Variants in ARHGAP6 observed in about 807,000 individuals in gnomAD.
The protein encoded by ARHGAP6 is Rho GTPase activating protein 6, also known as rho GTPase-activating protein 6.
In ARHGAP6, 16 loss-of-function variants were observed where a neutral mutation model predicts 55.7. The observed-to-expected ratio is 0.29, with a 90% CI of 0.19 to 0.44. ARHGAP6 has a LOEUF of 0.44. Among genes scored for constraint, ARHGAP6 ranks in the 20% least tolerant of loss-of-function variants. ARHGAP6 has a pLI of 1.00. For synonymous variants in ARHGAP6, 382 were observed against 360.9 expected, an observed-to-expected ratio of 1.06 and a Z score of -0.66; for missense variants, 698 against 808.9, an observed-to-expected ratio of 0.86 and a Z score of 1.66.
chrX:11,554,172 T>G (rs780457018), intron 1 of ARHGAP6, among the ~76,000 whole-genome samples: 28 of 111,835 alleles, frequency 2.5e-4, no homozygotes, highest in African/African-American at 7.5e-4. Context: ...GGTCATAGTG[T>G]TAAGTGAAAT....
Position 11,383,733 on chromosome X carries a change from C to T in ARHGAP6, c.589-129026G>A, listed in dbSNP as rs193277325. On this transcript the variant is annotated intron_variant, in intron 1 of 12. Coordinates refer to ENST00000337414, the MANE Select transcript of ARHGAP6 (RefSeq NM_013427.3). ...CTCATTTCAGAGGAAAATCCACTTT[C>T]CACTTCATGTATAAAACTCAGTTGG... 3.8e-3 allele frequency among the ~76,000 whole-genome samples: 420 copies of T among 111,699 alleles called. 1 individual carries two copies. The highest frequency in any genetic ancestry group is 0.014 in the Middle Eastern group (3 of 217).
intron 1 of ARHGAP6, among the ~76,000 whole-genome samples, chrX:11,342,393 T>G (rs904466911): frequency 8.9e-6 from 1 of 112,152 alleles, no homozygotes; most frequent in African/African-American, 3.2e-5. Flanking sequence ...AATTAAAAAT[T>G]TGCACATTGG....
chrX:11,521,037 C>A (rs2050919239), intron 1 of ARHGAP6, among the ~76,000 whole-genome samples: 1 of 111,077 alleles, frequency 9.0e-6, no homozygotes, highest in African/African-American at 3.3e-5. Context: ...TGTTTGAGTT[C>A]TTTGTAGATT....
chrX:11,653,317 G>A (rs1018163555), intron 1 of ARHGAP6, among the ~76,000 whole-genome samples: 1 of 112,093 alleles, frequency 8.9e-6, no homozygotes, highest in Non-Finnish European at 1.9e-5. Flanking sequence ...TGTGTTCCAA[G>A]TCACTAGGCC....
chrX:11,486,894 C>T (rs1291418688), intron 1 of ARHGAP6, among the ~76,000 whole-genome samples: 4 of 111,660 alleles, frequency 3.6e-5, no homozygotes, highest in Non-Finnish European at 5.6e-5. Flanking sequence ...AGAGGAAGCA[C>T]AGGGTGGGGT....
At chrX:11,363,033 G>GA (rs924799630) in intron 1 of ARHGAP6, among the ~76,000 whole-genome samples, 2 of 111,239 alleles carry the variant, frequency 1.8e-5, no homozygotes, top group Non-Finnish European at 3.8e-5. Context: ...AAAAGCAGAA[G>GA]AAAAAAAATA....
chrX:11,373,388 A>T (rs900073315), intron 1 of ARHGAP6, among the ~76,000 whole-genome samples: 3 of 103,340 alleles, frequency 2.9e-5, no homozygotes, highest in African/African-American at 1.0e-4. Context: ...GACATTGTTT[A>T]AAAAAAAAAG....
chrX:11,463,165 C>T (rs2050261491), intron 1 of ARHGAP6, among the ~76,000 whole-genome samples: 1 of 111,987 alleles, frequency 8.9e-6, no homozygotes, highest in Non-Finnish European at 1.9e-5. Flanking sequence ...GGAGACCTCA[C>T]TATACAGTGA....
intron 1 of ARHGAP6, among the ~76,000 whole-genome samples, chrX:11,572,213 G>T (rs1041511889): frequency 5.4e-5 from 6 of 110,100 alleles, no homozygotes; most frequent in Admixed American, 2.9e-4. Flanking sequence ...TATACTTTAA[G>T]TTTTAGGGTA....
chrX:11,376,981 A>C (rs750814673), intron 1 of ARHGAP6, among the ~76,000 whole-genome samples: 2 of 111,842 alleles, frequency 1.8e-5, no homozygotes, highest in South Asian at 7.5e-4. Context: ...CAAGACATTC[A>C]CATCTAATAA....
chrX:11,573,744 G>A (rs1221447885), intron 1 of ARHGAP6, among the ~76,000 whole-genome samples: 2 of 110,553 alleles, frequency 1.8e-5, no homozygotes, highest in African/African-American at 6.6e-5. Context: ...TAGCTTGATG[G>A]GGATGGCATT....
At chrX:11,475,283 C>G (rs2050391878) in intron 1 of ARHGAP6, among the ~76,000 whole-genome samples, 1 of 110,709 alleles carries the variant, frequency 9.0e-6, no homozygotes, top group African/African-American at 3.3e-5. Flanking sequence ...AGCACACACC[C>G]AGGGTTATTT....
chrX:11,532,689 C>A (rs1167131188), intron 1 of ARHGAP6, among the ~76,000 whole-genome samples: 1 of 90 alleles, frequency 0.011, no homozygotes, highest in Non-Finnish European at 0.016. Flanking sequence ...AAATTCCAAT[C>A]TCAGCATTAA....
intron 1 of ARHGAP6, among the ~76,000 whole-genome samples, chrX:11,338,235 C>T (rs746979480): frequency 2.7e-5 from 3 of 111,666 alleles, no homozygotes; most frequent in East Asian, 2.8e-4. Context: ...TCAAATTCTC[C>T]GAGGGCCATG....
At chrX:11,567,566 A>AAAAAAAAAAAATATATATATATATATAT in intron 1 of ARHGAP6, among the ~76,000 whole-genome samples, 1 of 84,411 alleles carries the variant, frequency 1.2e-5, no homozygotes, top group Admixed American at 1.2e-4. Context: ...AAAAAAAAAA[A>AAAAAAAAAAAATATATATATATATATAT]ATATATATAT....
At chrX:11,591,514 T>A (rs1174575427) in intron 1 of ARHGAP6, among the ~76,000 whole-genome samples, 1 of 110,834 alleles carries the variant, frequency 9.0e-6, no homozygotes, top group Non-Finnish European at 1.9e-5. Context: ...AAGTGCTCAA[T>A]CCATACAATG....
intron 1 of ARHGAP6, among the ~76,000 whole-genome samples, chrX:11,442,168 A>G (rs1329634412): frequency 9.0e-6 from 1 of 110,681 alleles, no homozygotes; most frequent in Admixed American, 9.7e-5. Flanking sequence ...CATCCCTTCT[A>G]TTCATTTTTA....
At chrX:11,179,661 GTA>G (rs991741408) in intron 6 of ARHGAP6, among the ~76,000 whole-genome samples, 1 of 104,276 alleles carries the variant, frequency 9.6e-6, no homozygotes, top group Non-Finnish European at 1.9e-5. Flanking sequence ...ACATATATAT[GTA>G]TATATATGAG....
At chrX:11,258,463 T>C (rs140512068) in intron 1 of ARHGAP6, among the ~76,000 whole-genome samples, 137 of 110,523 alleles carry the variant, frequency 1.2e-3, no homozygotes, top group Non-Finnish European at 2.2e-3. Context: ...GTTTTGGACA[T>C]GGTGAAAATG....
Sources: allele counts gnomAD v4.1 joint callset (sites outside exome capture counted in the v4.1 genomes callset), GRCh38; gene constraint gnomAD v4.1.1; transcripts MANE v1.5; gene names NCBI Gene and HGNC (gene_info 2026-07-23, HGNC 2026-07-21).